Variants in TMC4 observed in about 807,000 individuals in gnomAD.
TMC4 encodes the protein transmembrane channel like 4.
Under a neutral mutation model 82.0 loss-of-function variants are expected in TMC4, and 70 were observed. That is an observed-to-expected ratio of 0.85 (90% CI 0.70 to 1.04). The LOEUF is 1.04. TMC4 is among the 50% of genes least tolerant of loss of function. The probability of loss-of-function intolerance (pLI) is 0.00; values close to 1 mark genes in which losing one functional copy is unlikely to be tolerated. For synonymous variants in TMC4, 446 were observed against 406.0 expected (o/e 1.10, Z -1.18); for missense variants, 879 against 899.0 (o/e 0.98, Z 0.28).
chr19:54,163,945 G>A, intron 7 of TMC4, 58 bp from the exon 8 acceptor site: 1 of 1,571,584 alleles, frequency 6.4e-7, no homozygotes, highest in East Asian at 2.3e-5. Context: ...CCAAGCTTAA[G>A]GTCCTCCCCC....
chr19:54,161,730 C>T (rs929725163), intron 11 of TMC4, among the ~76,000 whole-genome samples: 5 of 152,124 alleles, frequency 3.3e-5, no homozygotes, highest in Middle Eastern at 3.4e-3. Flanking sequence ...TTAGTAGAGA[C>T]GGGGTTTTGC....
intron 10 of TMC4, 27 bp from the exon 11 acceptor site, chr19:54,162,312 G>T: frequency 6.9e-7 from 1 of 1,453,234 alleles, no homozygotes; most frequent in Non-Finnish European, 9.1e-7. Context: ...GGCCGGGCCG[G>T]AGTCAGGGGA....
At chr19:54,172,849 T>C in intron 1 of TMC4, 190 bp downstream of exon 1, 1 of 572,566 alleles carries the variant, frequency 1.7e-6, no homozygotes, top group Non-Finnish European at 3.1e-6. Flanking sequence ...AGCCTGGTTC[T>C]CCAGGCTCCT....
chr19:54,172,924 C>A (rs2075945733), intron 1 of TMC4, 115 bp downstream of exon 1: 6 of 867,508 alleles, frequency 6.9e-6, no homozygotes, highest in Admixed American at 2.5e-5. Flanking sequence ...GGAAGTGGAA[C>A]CTTCTCTCTT....
rs768440096 is a variant in TMC4 at position 54,171,909 on chromosome 19, C to CG, written c.253dup (p.Arg85ProfsTer30). ...GGCCTGCATGGGCCAGGGCAGTTCC[C>CG]GGGAAGGGTGAGGGTCCTGCAGCTC... is the stretch of plus-strand genomic sequence containing the variant. On this transcript the variant is annotated frameshift_variant, in exon 2 of 15. Transcript: ENST00000619895. LOFTEE classifies it high-confidence loss of function. The CG allele has an allele frequency of 6.2e-7, 1 of 1,612,374 alleles. No homozygotes were observed. Among genetic ancestry groups the CG allele is most frequent in the South Asian group, 1.1e-5 (1 of 90,860 alleles).
Position 54,160,389 on chromosome 19 carries a change from G to T in TMC4, c.2053-15C>A. On this transcript the variant is annotated splice_polypyrimidine_tract_variant and intron_variant, in intron 14 of 14. Coordinates refer to ENST00000619895, the MANE Select transcript of TMC4 (RefSeq NM_144686.4). ...TTCTGCGCCTCCTGGGGCAAAGAGA[G>T]GTGGAGGTGAGACAATCCTCTTCCC... 1.3e-6 allele frequency: 2 copies of T among 1,561,980 alleles called. No individual in the cohort carries two copies. Among genetic ancestry groups the T allele is most frequent in the Non-Finnish European group, 1.7e-6 (2 of 1,151,516 alleles).
At chr19:54,161,292 T>G (rs1395660475) in intron 11 of TMC4, 32 bp from the exon 12 acceptor site, 12 of 1,470,536 alleles carry the variant, frequency 8.2e-6, no homozygotes, top group African/African-American at 1.4e-5. Flanking sequence ...AAAAGGGCTC[T>G]GAAACACAAG....
Position 54,168,505 on chromosome 19 carries a change from G to C in TMC4, c.618C>G (p.Pro206=). 2 of 1,547,866 alleles carry C rather than the reference G, an allele frequency of 1.3e-6. No homozygotes were observed. The highest frequency in any genetic ancestry group is 2.2e-4 in the Middle Eastern group (1 of 4,600). The change falls in exon 4 of 15, where the codon CCC becomes CCG. Residue 206 remains proline, a synonymous_variant. Coordinates refer to ENST00000619895, the MANE Select transcript of TMC4 (RefSeq NM_144686.4). Reference sequence around the variant, plus strand: ...CAAAGGTGACCAGGCCCTGGGAGTGGGGGTTATAGGAGCCGCAGGGCGAGG... The same window carrying C: ...CAAAGGTGACCAGGCCCTGGGAGTGCGGGTTATAGGAGCCGCAGGGCGAGG... The part of the protein sequence containing the change: ...DISSPCGSYN[P]HSQGLVTFAT...
chr19:54,166,250 A>G (rs904232789), intron 5 of TMC4, among the ~76,000 whole-genome samples: 1 of 148,266 alleles, frequency 6.7e-6, no homozygotes, highest in African/African-American at 2.5e-5. Context: ...GTGGTGGTGC[A>G]TGCCTGTAAT....
chr19:54,171,079 A>G (rs1250725956), intron 2 of TMC4, among the ~76,000 whole-genome samples: 2 of 46,106 alleles, frequency 4.3e-5, no homozygotes, highest in Non-Finnish European at 8.7e-5. Flanking sequence ...ATACATATAT[A>G]TGTGTATATA....
In TMC4 at chr19:54,168,523, G is replaced by A; in HGVS notation, c.600C>T (p.Pro200=). The part of the protein sequence containing the change: ...PGPPGPDISS[P]CGSYNPHSQG... ...GGGAGTGGGGGTTATAGGAGCCGCA[G>A]GGCGAGGAGATGTCGGGGCCGGGAG... Residue 200 remains proline (P), a synonymous_variant, in exon 4 of 15, where the codon CCC becomes CCT. Coordinates refer to ENST00000619895, the MANE Select transcript of TMC4 (RefSeq NM_144686.4). The A allele has an allele frequency of 6.4e-7, 1 of 1,551,488 alleles. No individual in the cohort carries two copies. The highest frequency in any genetic ancestry group is 1.2e-5 in the South Asian group (1 of 83,962).
intron 2 of TMC4, 63 bp downstream of exon 2, chr19:54,171,807 C>T: frequency 2.1e-6 from 3 of 1,450,618 alleles, no homozygotes; most frequent in South Asian, 2.7e-5. Context: ...GAGACCGAGT[C>T]CAGGGTATGG....
At chr19:54,169,682 A>G in intron 2 of TMC4, 22 bp from the exon 3 acceptor site, 1 of 1,611,684 alleles carries the variant, frequency 6.2e-7, no homozygotes, top group Non-Finnish European at 8.5e-7. Context: ...ACAGGCAGAA[A>G]ATGAGGGGTT....
At position 54,162,537 on chromosome 19, in the gene TMC4, A is replaced by G. The variant is rs1025222276; in HGVS notation, c.1502+136T>C. The G allele has an allele frequency of 3.9e-6, 3 of 771,714 alleles. No homozygotes were observed. In the African/African-American group the frequency reaches 5.2e-5, roughly 13 times the overall value. 47.8% of individuals were successfully genotyped at this position (771,714 alleles called of 1,614,324 possible). Reference sequence around the variant, plus strand: ...TAAAACAAGGGCGGGGAGCGGGGAGATCTGCGGACCTAGGGCAAGCAAAGG... The same window carrying G: ...TAAAACAAGGGCGGGGAGCGGGGAGGTCTGCGGACCTAGGGCAAGCAAAGG... On this transcript the variant is annotated intron_variant, in intron 10 of 14. Transcript: ENST00000619895.
chr19:54,173,076 G>A lies in TMC4; in HGVS notation c.42C>T (p.Ser14=). 3 of 1,612,466 alleles carry A rather than the reference G, an allele frequency of 1.9e-6. No homozygotes were observed. The highest frequency in any genetic ancestry group is 1.1e-5 in the South Asian group (1 of 90,992). Residue 14 remains serine, a synonymous_variant, in exon 1 of 15, where the codon TCC becomes TCT. Coordinates refer to ENST00000619895, the MANE Select transcript of TMC4 (RefSeq NM_144686.4). ...NPTLESEAWG[S]SREWLAPREA... is the part of the protein sequence containing the mutation. ...CCCGGGGGGCCAGCCACTCCCTAGAGGAGCCCCAGGCTTCTGATTCCAAGG... is the reference window on the plus strand; with the variant it reads ...CCCGGGGGGCCAGCCACTCCCTAGAAGAGCCCCAGGCTTCTGATTCCAAGG...
At chr19:54,166,961 A>G (rs924154307) in intron 5 of TMC4, among the ~76,000 whole-genome samples, 76 of 152,158 alleles carry the variant, frequency 5.0e-4, no homozygotes, top group African/African-American at 1.6e-3. Context: ...TCAAAAAAAA[A>G]AAAAAGTTGA....
chr19:54,170,691 G>A (rs1205669595), intron 2 of TMC4, among the ~76,000 whole-genome samples: 1 of 151,924 alleles, frequency 6.6e-6, no homozygotes, highest in Non-Finnish European at 1.5e-5. Flanking sequence ...GGAGTGCGGT[G>A]GTGCAATCAT....
At chr19:54,166,104 C>T (rs1342717878) in intron 5 of TMC4, among the ~76,000 whole-genome samples, 12 of 151,830 alleles carry the variant, frequency 7.9e-5, no homozygotes, top group East Asian at 3.9e-4. Flanking sequence ...GCAGGCCAGG[C>T]GCCATGGCTC....
At chr19:54,168,407 C>T in intron 4 of TMC4, 41 bp downstream of exon 4, 1 of 1,521,256 alleles carries the variant, frequency 6.6e-7, no homozygotes, top group African/African-American at 1.4e-5. Context: ...GCACTGGGGT[C>T]ACAGGTGGGC....
Sources: gnomAD v4.1 joint callset for allele counts (sites outside exome capture counted in the v4.1 genomes callset) on GRCh38, gnomAD v4.1.1 for gene constraint, MANE v1.5 for transcripts, NCBI Gene and HGNC (gene_info 2026-07-23, HGNC 2026-07-21) for gene names.